Variants in TASP1 observed in about 807,000 individuals in gnomAD.
TASP1 encodes taspase 1.
In TASP1, 16 loss-of-function variants were observed where a neutral mutation model predicts 56.6. That is an observed-to-expected ratio of 0.28 (90% CI 0.19 to 0.43). The LOEUF is 0.43. Among genes scored for constraint, TASP1 ranks in the 20% least tolerant of loss-of-function variants. The probability of loss-of-function intolerance (pLI) is 1.00; values close to 1 mark genes in which losing one functional copy is unlikely to be tolerated. For missense variants in TASP1, 393 were observed against 511.6 expected, an observed-to-expected ratio of 0.77 and a Z score of 2.24; for synonymous variants, 179 against 184.2, an observed-to-expected ratio of 0.97 and a Z score of 0.23.
At chr20:13,393,338 C>T (rs1001084183) in intron 13 of TASP1, 59 of 755,672 alleles carry the variant, frequency 7.8e-5, no homozygotes, top group South Asian at 6.8e-5. Flanking sequence ...AGGTCATCCC[C>T]GAGCTGAACA....
the TASP1 span, among the ~76,000 whole-genome samples, chr20:13,136,021 A>G: frequency 1.3e-5 from 2 of 152,262 alleles, no homozygotes; most frequent in Non-Finnish European, 2.9e-5. Flanking sequence ...CAGAATTTCA[A>G]TTACTAATGT....
chr20:13,332,028 C>T, the TASP1 span, among the ~76,000 whole-genome samples: 1 of 152,064 alleles, frequency 6.6e-6, no homozygotes, highest in Non-Finnish European at 1.5e-5. Flanking sequence ...GTGGTCTGAT[C>T]CTCAAGTAAT....
the TASP1 span, among the ~76,000 whole-genome samples, chr20:13,310,283 T>G: frequency 6.6e-6 from 1 of 152,114 alleles, no homozygotes; most frequent in East Asian, 1.9e-4. Context: ...AAATTTGTGG[T>G]CAACTGATCT....
intron 10 of TASP1, among the ~76,000 whole-genome samples, chr20:13,514,743 A>G (rs2044459376): frequency 1.3e-5 from 2 of 152,142 alleles, no homozygotes; most frequent in African/African-American, 4.8e-5. Flanking sequence ...TTTTCATCAA[A>G]GCTAAAAGAA....
chr20:13,226,333 A>C, the TASP1 span, among the ~76,000 whole-genome samples: 1 of 152,228 alleles, frequency 6.6e-6, no homozygotes, highest in South Asian at 2.1e-4. Context: ...TACTTAATAC[A>C]AGAAAGTCAA....
At chr20:13,298,860 C>A in the TASP1 span, 1 of 1,434,396 alleles carries the variant, frequency 7.0e-7, no homozygotes, top group Non-Finnish European at 9.5e-7. Flanking sequence ...TCAGGAGCAG[C>A]CTGGTGTCAC....
the TASP1 span, among the ~76,000 whole-genome samples, chr20:13,310,020 G>A: frequency 6.6e-6 from 1 of 152,158 alleles, no homozygotes; most frequent in African/African-American, 2.4e-5. Context: ...ATTACCCAAA[G>A]CAATCTACAA....
chr20:13,433,841 T>TAAAAAAAAAAAAAAAAAA (rs111973613), intron 12 of TASP1, among the ~76,000 whole-genome samples: 1 of 116,186 alleles, frequency 8.6e-6, no homozygotes, highest in African/African-American at 3.4e-5. Flanking sequence ...GTGTTTGTAT[T>TAAAAAAAAAAAAAAAAAA]AAAAAAAAAA....
At chr20:13,367,240 G>A in the TASP1 span, among the ~76,000 whole-genome samples, 1 of 152,210 alleles carries the variant, frequency 6.6e-6, no homozygotes, top group Admixed American at 6.5e-5. Context: ...GTCAAACCCT[G>A]TTTGGTTCTC....
chr20:13,152,955 C>T, the TASP1 span, among the ~76,000 whole-genome samples: 1 of 152,276 alleles, frequency 6.6e-6, no homozygotes, highest in Admixed American at 6.5e-5. Flanking sequence ...ATTGTATAAC[C>T]TCTAGAGCAG....
chr20:13,117,515 T>A, the TASP1 span: 1 of 1,592,994 alleles, frequency 6.3e-7, no homozygotes, highest in Non-Finnish European at 8.5e-7. Context: ...GCATGGAAGG[T>A]TCCATCGTGC....
chr20:13,612,728 G>A (rs2048390935), intron 4 of TASP1, among the ~76,000 whole-genome samples: 1 of 152,114 alleles, frequency 6.6e-6, no homozygotes, highest in Non-Finnish European at 1.5e-5. Context: ...CAAGAAAGTA[G>A]GCACATGACA....
the TASP1 span, chr20:13,126,710 C>CCATGGTAAGAGGG: frequency 1.9e-5 from 30 of 1,613,830 alleles, no homozygotes; most frequent in Non-Finnish European, 2.5e-5. Flanking sequence ...TGGATGGGAC[C>CCATGGTAAGAGGG]ACTCAAGGTA....
At chr20:13,388,914 A>G (rs577142057), downstream of TASP1, among the ~76,000 whole-genome samples, 1 of 152,348 alleles carries the variant, frequency 6.6e-6, no homozygotes, top group East Asian at 1.9e-4. Flanking sequence ...TGTCAAGTGT[A>G]TAATTTTATC....
chr20:13,239,926 C>G, the TASP1 span, among the ~76,000 whole-genome samples: 2 of 152,272 alleles, frequency 1.3e-5, no homozygotes, highest in African/African-American at 4.8e-5. Flanking sequence ...TTTTATAGCC[C>G]CACTTAGCTA....
chr20:13,280,668 G>A, the TASP1 span, among the ~76,000 whole-genome samples: 1 of 152,146 alleles, frequency 6.6e-6, no homozygotes, highest in Non-Finnish European at 1.5e-5. Context: ...AGGGAGCCTG[G>A]AGAAGGAACA....
chr20:13,205,131 G>A, the TASP1 span, among the ~76,000 whole-genome samples: 29 of 152,118 alleles, frequency 1.9e-4, no homozygotes, highest in East Asian at 1.6e-3. Flanking sequence ...CTGTTTTTCC[G>A]TAATTCTCAG....
At chr20:13,359,067 G>A in the TASP1 span, among the ~76,000 whole-genome samples, 5 of 149,302 alleles carry the variant, frequency 3.3e-5, no homozygotes, top group Admixed American at 2.7e-4. Context: ...CCCCCCAATC[G>A]CTTATTTCCA....
chr20:13,461,128 C>T (rs1231548301), intron 11 of TASP1, among the ~76,000 whole-genome samples: 5 of 152,142 alleles, frequency 3.3e-5, no homozygotes, highest in Non-Finnish European at 7.4e-5. Flanking sequence ...CATGCTGTTC[C>T]CTCTGTCTGG....
Sources: gnomAD v4.1 joint callset for allele counts (sites outside exome capture counted in the v4.1 genomes callset) on GRCh38, gnomAD v4.1.1 for gene constraint, MANE v1.5 for transcripts, NCBI Gene and HGNC (gene_info 2026-07-23, HGNC 2026-07-21) for gene names.